Variants in CFAP44 observed in about 807,000 individuals in gnomAD.
The protein encoded by CFAP44 is cilia and flagella associated protein 44.
CFAP44 carries 134 observed loss-of-function variants against 216.2 expected under a neutral mutation model. The ratio of observed to expected loss-of-function variants is 0.62; its 90% CI spans 0.54 to 0.72. CFAP44 has a LOEUF of 0.72. Among genes scored for constraint, CFAP44 ranks in the 30% least tolerant of loss-of-function variants. The pLI is 0.00. For synonymous variants in CFAP44, 700 were observed against 727.6 expected (o/e 0.96, Z 0.61); for missense variants, 2,035 against 2,182.1 (o/e 0.93, Z 1.34).
chr3:113,386,773 A>G (rs146447153), intron 15 of CFAP44, among the ~76,000 whole-genome samples: 1 of 152,222 alleles, frequency 6.6e-6, no homozygotes, highest in African/African-American at 2.4e-5. Flanking sequence ...CTTGGTTTTA[A>G]CTTTACATCA....
At chr3:113,377,496 G>T (rs1933379616) in intron 17 of CFAP44, among the ~76,000 whole-genome samples, 2 of 151,758 alleles carry the variant, frequency 1.3e-5, no homozygotes. Context: ...TCCATGCCTT[G>T]GTTTCTTCAT....
At chr3:113,401,087 G>A (rs950565771) in intron 11 of CFAP44, among the ~76,000 whole-genome samples, 153 bp downstream of exon 11, 4 of 152,032 alleles carry the variant, frequency 2.6e-5, no homozygotes, top group African/African-American at 2.4e-5. Context: ...AAATCATAAC[G>A]AGAGAGAGAA....
intron 4 of CFAP44, 79 bp from the exon 5 acceptor site, chr3:113,420,258 A>C: frequency 7.2e-7 from 1 of 1,384,660 alleles, no homozygotes; most frequent in Non-Finnish European, 9.5e-7. Context: ...ATAAATTTTT[A>C]AATCTATACT....
At chr3:113,346,401 A>G (rs1950382751) in intron 22 of CFAP44, among the ~76,000 whole-genome samples, 1 of 152,132 alleles carries the variant, frequency 6.6e-6, no homozygotes. Context: ...AAGGATTGTA[A>G]GTGCCCCAAT....
chr3:113,420,159 C>G lies in CFAP44; in HGVS notation c.428G>C (p.Cys143Ser). 6.2e-7 allele frequency: 1 copy of G among 1,611,624 alleles called. No homozygotes were observed. Among genetic ancestry groups the G allele is most frequent in the African/African-American group, 1.3e-5 (1 of 74,902 alleles). ...LTLVHSFGYD[C>S]RKRANLQLLD... is the part of the protein sequence containing the mutation. ...AAGTTGTAGGTTGGCTCGCTTTCTA[C>G]AGTCATAACCAAAAGAATGTCTGAG... Residue 143 changes from cysteine to serine, a missense_variant, in exon 5 of 35, where the codon TGT becomes TCT. By Grantham distance (112) the Cys-to-Ser change is moderately radical. Transcript: ENST00000393845.
chr3:113,373,471 G>C lies in CFAP44; in HGVS notation c.2384C>G (p.Pro795Arg), dbSNP rs944680038. The part of the protein sequence containing the change: ...SSDFKEQKDE[P>R]IDVRYLADTE... Reference sequence around the variant, plus strand: ...ATCCGCAAGATAACGGACATCAATAGGTTCATCTTTTTGTTCTTTGAAATC... The same window carrying C: ...ATCCGCAAGATAACGGACATCAATACGTTCATCTTTTTGTTCTTTGAAATC... The change falls in exon 18 of 35, where the codon CCT becomes CGT. Residue 795 changes from proline to arginine, a missense_variant. Pro to Arg is a moderately radical substitution (Grantham distance 103, BLOSUM62 -2). This residue lies in a region of CFAP44 where 1,883 missense variants were observed against 2,023.7 expected (regional missense o/e 0.93). Coordinates refer to ENST00000393845, the MANE Select transcript of CFAP44 (RefSeq NM_001164496.2). The C allele has an allele frequency of 1.2e-6, 2 of 1,609,312 alleles. No individual in the cohort carries two copies. The highest frequency in any genetic ancestry group is 1.7e-6 in the Non-Finnish European group (2 of 1,177,488).
chr3:113,333,473 T>C lies in CFAP44; in HGVS notation c.3548A>G (p.Lys1183Arg). ...ATTTATTCTCATGTGCTCAGGTATCTTGTAGTCTGGGGCTGTCTTCAGATT... is the reference window on the plus strand; with the variant it reads ...ATTTATTCTCATGTGCTCAGGTATCCTGTAGTCTGGGGCTGTCTTCAGATT... Reference protein sequence around the residue: ...DFNLKTAPDYKIPEHMRINAA... With the variant: ...DFNLKTAPDYRIPEHMRINAA... The change falls in exon 25 of 35, where the codon AAG becomes AGG. Residue 1183 changes from lysine (K) to arginine (R), a missense_variant. Physicochemically the swap from Lys to Arg is conservative, Grantham distance 26. Around this residue, in one of 3 missense-constraint regions of CFAP44, gnomAD observed 1,883 missense variants for 2,023.7 expected, o/e 0.93. Coordinates refer to ENST00000393845, the MANE Select transcript of CFAP44 (RefSeq NM_001164496.2). The C allele has an allele frequency of 1.3e-6, 2 of 1,537,148 alleles. No homozygotes were observed. Among genetic ancestry groups the C allele is most frequent in the Non-Finnish European group, 1.7e-6 (2 of 1,146,870 alleles).
intron 15 of CFAP44, 146 bp downstream of exon 15, chr3:113,395,604 C>G (rs749066820): frequency 3.4e-5 from 21 of 618,776 alleles, no homozygotes; most frequent in Non-Finnish European, 5.2e-5. Flanking sequence ...GCAGCAGCCA[C>G]CTGAGCTTTC....
chr3:113,381,702 C>A (rs1933514954), intron 15 of CFAP44, among the ~76,000 whole-genome samples: 1 of 152,194 alleles, frequency 6.6e-6, no homozygotes, highest in Admixed American at 6.5e-5. Flanking sequence ...TTGATATTTA[C>A]AGATACTTTA....
intron 28 of CFAP44, among the ~76,000 whole-genome samples, chr3:113,311,045 C>G (rs1219027197): frequency 6.6e-6 from 1 of 152,104 alleles, no homozygotes; most frequent in Non-Finnish European, 1.5e-5. Context: ...CTAATGCAAT[C>G]TCCAACTGAG....
intron 8 of CFAP44, among the ~76,000 whole-genome samples, chr3:113,404,360 T>C (rs1043030108): frequency 6.6e-6 from 1 of 152,202 alleles, no homozygotes. Context: ...TTTTTAAATG[T>C]AATACTATCA....
At chr3:113,294,080 T>G (rs1486291776) in intron 34 of CFAP44, 1 of 456,484 alleles carries the variant, frequency 2.2e-6, no homozygotes, top group Non-Finnish European at 4.4e-6. Flanking sequence ...GAGAAACAAC[T>G]GGCCTTTTTG....
intron 26 of CFAP44, among the ~76,000 whole-genome samples, chr3:113,329,631 C>A (rs549292555): frequency 2.6e-5 from 4 of 152,326 alleles, no homozygotes; most frequent in Non-Finnish European, 4.4e-5. Context: ...TCCTGCCCAA[C>A]AGGCCCTAGT....
At chr3:113,363,431 T>C in intron 20 of CFAP44, 46 bp downstream of exon 20, 1 of 1,586,422 alleles carries the variant, frequency 6.3e-7, no homozygotes, top group Non-Finnish European at 8.6e-7. Flanking sequence ...TTGATTTGTT[T>C]TGCAAAATCT....
At chr3:113,338,830 A>C (rs1191395010) in intron 24 of CFAP44, among the ~76,000 whole-genome samples, 3 of 152,206 alleles carry the variant, frequency 2.0e-5, no homozygotes, top group Admixed American at 1.3e-4. Flanking sequence ...GTTTAGGGTG[A>C]GGATTTCTAA....
intron 15 of CFAP44, among the ~76,000 whole-genome samples, chr3:113,385,310 C>G (rs1047041716): frequency 6.6e-6 from 1 of 152,074 alleles, no homozygotes; most frequent in African/African-American, 2.4e-5. Context: ...CTTGTTTGCA[C>G]TTTTACTAGA....
In CFAP44 at chr3:113,291,373, G is replaced by T. The variant is rs1057046261; in HGVS notation, c.*184C>A. 1 of 621,842 alleles carries T rather than the reference G, an allele frequency of 1.6e-6. No homozygotes were observed. The highest frequency in any genetic ancestry group is 2.7e-6 in the Non-Finnish European group (1 of 370,304). 38.5% of individuals were successfully genotyped at this position (621,842 alleles called of 1,614,324 possible). On this transcript the variant is annotated 3_prime_UTR_variant, in exon 35 of 35. Transcript: ENST00000393845. The stretch of plus-strand genomic sequence containing the variant: ...AGTTTCATAACAGAGGTTGGGTGCT[G>T]CAGTCAGTTCTAAGATAACCAAATT...
At chr3:113,402,908 C>T (rs1934181416) in intron 9 of CFAP44, among the ~76,000 whole-genome samples, 1 of 151,970 alleles carries the variant, frequency 6.6e-6, no homozygotes, top group African/African-American at 2.4e-5. Flanking sequence ...AAATAAAGGA[C>T]ACAAAAGATT....
intron 33 of CFAP44, 61 bp from the exon 34 acceptor site, chr3:113,294,882 G>T: frequency 6.8e-7 from 1 of 1,469,902 alleles, no homozygotes; most frequent in South Asian, 1.4e-5. Context: ...AAAGAAAAAT[G>T]AGTGTCCAGA....
Sources: allele counts gnomAD v4.1 joint callset (sites outside exome capture counted in the v4.1 genomes callset), GRCh38; gene constraint gnomAD v4.1.1; regional missense constraint gnomAD v4.1.1; transcripts MANE v1.5; gene names NCBI Gene and HGNC (gene_info 2026-07-23, HGNC 2026-07-21).